Variants in PCDHA13 observed in about 807,000 individuals in gnomAD.
PCDHA13 encodes the protein protocadherin alpha 13.
In PCDHA13, 54 loss-of-function variants were observed where a neutral mutation model predicts 64.8. The ratio of observed to expected loss-of-function variants is 0.83; its 90% CI spans 0.67 to 1.04. The LOEUF is 1.04. Among genes scored for constraint, PCDHA13 ranks in the 50% least tolerant of loss-of-function variants. The pLI, the probability that PCDHA13 is intolerant of heterozygous loss-of-function variation, is 0.00. For missense variants in PCDHA13, 1,248 were observed against 1,254.3 expected (o/e 0.99, Z 0.08); for synonymous variants, 587 against 564.4 (o/e 1.04, Z -0.57).
chr5:140,907,087 G>A (rs1554192866), intron 1 of PCDHA13, among the ~76,000 whole-genome samples: 2 of 152,194 alleles, frequency 1.3e-5, no homozygotes, highest in Non-Finnish European at 2.9e-5. Flanking sequence ...GTGATGGTAA[G>A]TGGTGCCACT....
intron 1 of PCDHA13, among the ~76,000 whole-genome samples, chr5:140,920,362 T>C (rs1167382464): frequency 6.6e-6 from 1 of 152,238 alleles, no homozygotes; most frequent in African/African-American, 2.4e-5. Context: ...GTTCTATTCA[T>C]TTATTCTTGT....
At chr5:140,907,179 G>A (rs1257591299) in intron 1 of PCDHA13, among the ~76,000 whole-genome samples, 2 of 152,160 alleles carry the variant, frequency 1.3e-5, no homozygotes, top group Non-Finnish European at 2.9e-5. Flanking sequence ...CTGATTCAGA[G>A]CATACACAAC....
chr5:140,968,029 G>C (rs1554230214), intron 1 of PCDHA13: 4 of 1,614,170 alleles, frequency 2.5e-6, no homozygotes, highest in South Asian at 2.2e-5. Context: ...CCTATACACT[G>C]GTGGTGAGCG....
chr5:140,929,226 C>G lies in PCDHA13; in HGVS notation c.2394+44564C>G, dbSNP rs782065898. ...TGTTGCGTGGGGAGTACAATGCTGC[C>G]GACCTGCGAAATCTTGCCACTGGGG... is the stretch of plus-strand genomic sequence containing the variant. On this transcript the variant is annotated intron_variant, in intron 1 of 3. Transcript: ENST00000289272. 5.0e-6 allele frequency: 8 copies of G among 1,613,768 alleles called. No homozygotes were observed. In the South Asian group the frequency reaches 8.8e-5, roughly 18 times the overall value.
intron 1 of PCDHA13, among the ~76,000 whole-genome samples, chr5:140,959,972 AAAG>A (rs1460302752): frequency 2.0e-5 from 3 of 152,328 alleles, no homozygotes; most frequent in South Asian, 4.1e-4. Flanking sequence ...GATGTTACTG[AAAG>A]AAGAAGTTGG....
At chr5:140,914,501 C>T (rs1231907689) in intron 1 of PCDHA13, among the ~76,000 whole-genome samples, 1 of 152,084 alleles carries the variant, frequency 6.6e-6, no homozygotes, top group African/African-American at 2.4e-5. Context: ...GGCAACAGAT[C>T]ATTGGGTCAT....
In PCDHA13 at chr5:140,951,110, T is replaced by A. The variant is rs1230697929; in HGVS notation, c.2395-27839T>A. Reference sequence around the variant, plus strand: ...TTTTTCTGATAAGATTTCCTTTATTTTCATTCCTTACCAATAAGTTTTCCT... The same window carrying A: ...TTTTTCTGATAAGATTTCCTTTATTATCATTCCTTACCAATAAGTTTTCCT... On this transcript the variant is annotated intron_variant, in intron 1 of 3. Transcript: ENST00000289272. Among the ~76,000 whole-genome samples, 5 of 150,004 alleles carry A rather than the reference T, an allele frequency of 3.3e-5. No homozygotes were observed. The East Asian group carries it at 9.8e-4, about 29-fold the overall frequency.
intron 2 of PCDHA13, 80 bp downstream of exon 2, chr5:140,979,087 A>C (rs1284249394): frequency 6.4e-7 from 1 of 1,561,170 alleles, no homozygotes; most frequent in Non-Finnish European, 8.7e-7. Flanking sequence ...CATAGGCCAG[A>C]AGCAGCTGTC....
chr5:141,009,908 A>T lies in PCDHA13; in HGVS notation c.2824A>T (p.Asn942Tyr). ...NKTQEKKEKGNSTTDNSDQ is the reference protein window; with the variant it reads ...NKTQEKKEKGYSTTDNSDQ ...GACCCAGGAGAAAAAAGAGAAAGGG[A>T]ACAGCACGACTGACAACAGTGACCA... Residue 942 changes from asparagine to tyrosine, a missense_variant, in exon 4 of 4, where the codon AAC (asparagine) becomes TAC (tyrosine). Physicochemically the swap from Asn to Tyr is moderately radical, Grantham distance 143 (BLOSUM62 -2). Transcript: ENST00000289272. 1 of 1,612,966 alleles carries T rather than the reference A, an allele frequency of 6.2e-7. No individual in the cohort carries two copies. The highest frequency in any genetic ancestry group is 1.1e-5 in the South Asian group (1 of 90,886).
chr5:140,912,878 T>C (rs2076104558), intron 1 of PCDHA13, among the ~76,000 whole-genome samples: 1 of 152,236 alleles, frequency 6.6e-6, no homozygotes, highest in Non-Finnish European at 1.5e-5. Flanking sequence ...GTTTTTGGTC[T>C]TCATTCTGTT....
intron 1 of PCDHA13, among the ~76,000 whole-genome samples, chr5:140,943,840 G>T (rs528235230): frequency 1.4e-4 from 21 of 152,316 alleles, no homozygotes; most frequent in Non-Finnish European, 2.8e-4. Context: ...GAAGTTGTAA[G>T]ATGTCACAGA....
At chr5:140,891,452 TG>T (rs2063116437) in intron 1 of PCDHA13, among the ~76,000 whole-genome samples, 1 of 150,254 alleles carries the variant, frequency 6.7e-6, no homozygotes, top group Non-Finnish European at 1.5e-5. Flanking sequence ...ATAGGATTTT[TG>T]AATTTGTGAA....
chr5:140,966,932 G>T, intron 1 of PCDHA13: 2 of 1,603,726 alleles, frequency 1.2e-6, no homozygotes, highest in Non-Finnish European at 1.7e-6. Context: ...GGCACCCGGC[G>T]CGCTCGTGGG....
rs945250298 is a variant in PCDHA13 at position 140,897,146 on chromosome 5, A to G, written c.2394+12484A>G. Among the ~76,000 whole-genome samples the G allele has an allele frequency of 5.3e-5, 8 of 152,258 alleles. No individual in the cohort carries two copies. In the East Asian group the frequency reaches 1.5e-3, roughly 29 times the overall value. On this transcript the variant is annotated intron_variant, in intron 1 of 3. Coordinates refer to ENST00000289272, the MANE Select transcript of PCDHA13 (RefSeq NM_018904.3). Reference sequence around the variant, plus strand: ...CCCACTAAACTTTCTAGCCTTTGTTAACCATTCTTCTACTGTCTATCTCCA... The same window carrying G: ...CCCACTAAACTTTCTAGCCTTTGTTGACCATTCTTCTACTGTCTATCTCCA...
At chr5:140,999,494 C>G (rs2097859711) in intron 3 of PCDHA13, among the ~76,000 whole-genome samples, 1 of 152,064 alleles carries the variant, frequency 6.6e-6, no homozygotes, top group Non-Finnish European at 1.5e-5. Context: ...CTATGTTACC[C>G]AAGAACCTAC....
rs1476497862 is a variant in PCDHA13 at position 140,947,129 on chromosome 5, T to TAGTAAAATG, written c.2395-31819_2395-31811dup. Among the ~76,000 whole-genome samples the TAGTAAAATG allele has an allele frequency of 1.0e-3, 152 of 151,378 alleles. 1 individual carries two copies. Among genetic ancestry groups the TAGTAAAATG allele is most frequent in the African/African-American group, 3.5e-3 (145 of 41,346 alleles). On this transcript the variant is annotated intron_variant, in intron 1 of 3. Transcript: ENST00000289272. The stretch of plus-strand genomic sequence containing the variant: ...TACGTGTCAATTAAAATAATAAAAA[T>TAGTAAAATG]AGTAAAATGTATAGTTACTTCCACG...
intron 1 of PCDHA13, among the ~76,000 whole-genome samples, chr5:140,964,512 T>C (rs2095837085): frequency 6.6e-6 from 1 of 152,128 alleles, no homozygotes; most frequent in African/African-American, 2.4e-5. Context: ...CAATACCCAG[T>C]GGCCAGGTCT....
At chr5:140,904,164 T>A (rs1475689291) in intron 1 of PCDHA13, among the ~76,000 whole-genome samples, 2 of 152,078 alleles carry the variant, frequency 1.3e-5, no homozygotes, top group South Asian at 4.1e-4. Flanking sequence ...CAGTTTGTAG[T>A]CTTTTATTCC....
intron 1 of PCDHA13, among the ~76,000 whole-genome samples, chr5:140,957,571 G>C (rs2095367794): frequency 6.6e-6 from 1 of 152,186 alleles, no homozygotes; most frequent in South Asian, 2.1e-4. Context: ...AGGGACTACT[G>C]TACTTTTAAC....
Sources: allele counts gnomAD v4.1 joint callset (sites outside exome capture counted in the v4.1 genomes callset), GRCh38; gene constraint gnomAD v4.1.1; transcripts MANE v1.5; gene names NCBI Gene and HGNC (gene_info 2026-07-23, HGNC 2026-07-21).